The following CNTNAP2 variants were observed in gnomAD, a reference collection of about 807,000 sequenced individuals.
CNTNAP2 encodes contactin associated protein 2, also known as contactin-associated protein-like 2.
Under a neutral mutation model 155.2 loss-of-function variants are expected in CNTNAP2, and 98 were observed. The ratio of observed to expected loss-of-function variants is 0.63; its 90% CI spans 0.54 to 0.75. CNTNAP2 has a LOEUF of 0.75. Ranked by LOEUF, CNTNAP2 falls within the 30% of genes least tolerant of loss-of-function variation. CNTNAP2 has a pLI of 0.00. For synonymous variants in CNTNAP2, 651 were observed against 631.2 expected (o/e 1.03, Z -0.47); for missense variants, 1,727 against 1,688.1 (o/e 1.02, Z -0.40).
chr7:146,579,796 G>T (rs1486614121), intron 1 of CNTNAP2, among the ~76,000 whole-genome samples: 1 of 152,058 alleles, frequency 6.6e-6, no homozygotes, highest in Non-Finnish European at 1.5e-5. Flanking sequence ...TGGTGCCTCA[G>T]TGTCATATAA....
intron 9 of CNTNAP2, among the ~76,000 whole-genome samples, chr7:147,348,870 TGTAA>T (rs1795923510): frequency 1.3e-5 from 2 of 152,080 alleles, no homozygotes; most frequent in South Asian, 4.1e-4. Context: ...GAAGACACTG[TGTAA>T]GTGTCAGGAA....
chr7:147,375,282 CTATT>C (rs140202594), intron 9 of CNTNAP2, among the ~76,000 whole-genome samples: 19,640 of 151,934 alleles, frequency 0.13, 1,496 homozygotes, highest in East Asian at 0.31. Flanking sequence ...ATTATTTTCT[CTATT>C]TAAGAGATGA....
chr7:146,724,448 A>G lies in CNTNAP2; in HGVS notation c.98-49823A>G, dbSNP rs76964394. ...CTAATCTATTTGTCAATACTGAAAG[A>G]CACATCTTTGAAAAAAGATGGGTCT... is the stretch of plus-strand genomic sequence containing the variant. On this transcript the variant is annotated intron_variant, in intron 1 of 23. Transcript: ENST00000361727. 6.2e-3 allele frequency among the ~76,000 whole-genome samples: 947 copies of G among 152,086 alleles called. 10 individuals carry two copies. Among genetic ancestry groups the G allele is most frequent in the African/African-American group, 0.022 (894 of 41,480 alleles).
intron 15 of CNTNAP2, among the ~76,000 whole-genome samples, chr7:148,096,150 T>C (rs1263965402): frequency 6.6e-6 from 1 of 152,176 alleles, no homozygotes; most frequent in Non-Finnish European, 1.5e-5. Flanking sequence ...AATGTAAACT[T>C]TGGAAATTAT....
At position 146,774,251 on chromosome 7, in the gene CNTNAP2, T is replaced by A. The variant is rs199901768; in HGVS notation, c.98-20T>A. Reference sequence around the variant, plus strand: ...AATCGTTGTTGAGTGTCTCTCTCCCTCTCTGTCTTTTGTTTTCAGAAAAAT... The same window carrying A: ...AATCGTTGTTGAGTGTCTCTCTCCCACTCTGTCTTTTGTTTTCAGAAAAAT... On this transcript the variant is annotated intron_variant, in intron 1 of 23. Coordinates refer to ENST00000361727, the MANE Select transcript of CNTNAP2 (RefSeq NM_014141.6). 8 of 1,585,524 alleles carry A rather than the reference T, an allele frequency of 5.0e-6. No individual in the cohort carries two copies. The Admixed American group carries it at 1.3e-4, about 26-fold the overall frequency.
chr7:147,307,176 C>T (rs1165395688), intron 9 of CNTNAP2, among the ~76,000 whole-genome samples: 1 of 152,124 alleles, frequency 6.6e-6, no homozygotes, highest in South Asian at 2.1e-4. Context: ...AAGAGAACAC[C>T]ACTGGCACCC....
chr7:146,267,596 G>C (rs904915782), intron 1 of CNTNAP2, among the ~76,000 whole-genome samples: 10 of 152,160 alleles, frequency 6.6e-5, no homozygotes, highest in African/African-American at 2.4e-4. Flanking sequence ...AGAAGCCCCA[G>C]GGAACTGCGT....
intron 1 of CNTNAP2, among the ~76,000 whole-genome samples, chr7:146,647,996 C>A (rs1799844213): frequency 6.6e-6 from 1 of 152,016 alleles, no homozygotes; most frequent in Non-Finnish European, 1.5e-5. Flanking sequence ...CCCAATGTAC[C>A]ACAATTCTTA....
chr7:147,382,662 G>T (rs1363481870), intron 9 of CNTNAP2, among the ~76,000 whole-genome samples: 3 of 152,118 alleles, frequency 2.0e-5, no homozygotes, highest in Non-Finnish European at 4.4e-5. Flanking sequence ...CCCATAGTTG[G>T]TAGTTGAAGC....
At chr7:146,562,604 T>G (rs925721719) in intron 1 of CNTNAP2, among the ~76,000 whole-genome samples, 1 of 152,184 alleles carries the variant, frequency 6.6e-6, no homozygotes, top group African/African-American at 2.4e-5. Flanking sequence ...CAACACTTAA[T>G]GGCAACTATG....
chr7:146,245,795 C>G (rs138132679), intron 1 of CNTNAP2, among the ~76,000 whole-genome samples: 5 of 152,020 alleles, frequency 3.3e-5, no homozygotes, highest in South Asian at 2.1e-4. Context: ...TAATGGGTAT[C>G]AGGGTCAGTC....
chr7:146,963,578 G>A (rs1293907417), intron 3 of CNTNAP2, among the ~76,000 whole-genome samples: 1 of 151,958 alleles, frequency 6.6e-6, no homozygotes, highest in African/African-American at 2.4e-5. Flanking sequence ...AAAACACAAT[G>A]TCTTAAATAG....
chr7:148,403,290 A>T (rs1585347704), intron 22 of CNTNAP2, among the ~76,000 whole-genome samples: 1 of 151,988 alleles, frequency 6.6e-6, no homozygotes, highest in East Asian at 1.9e-4. Context: ...ATATAGGAAC[A>T]CGGATGACTA....
intron 18 of CNTNAP2, among the ~76,000 whole-genome samples, chr7:148,215,725 C>A (rs181407140): frequency 3.3e-5 from 5 of 152,214 alleles, no homozygotes; most frequent in African/African-American, 9.6e-5. Flanking sequence ...TCCTCACAAC[C>A]ACCTATGAGG....
At position 147,658,165 on chromosome 7, in the gene CNTNAP2, G is replaced by A. The variant is rs1185363735; in HGVS notation, c.2098+18859G>A. On this transcript the variant is annotated intron_variant, in intron 13 of 23. Coordinates refer to ENST00000361727, the MANE Select transcript of CNTNAP2 (RefSeq NM_014141.6). Reference sequence around the variant, plus strand: ...CCAGCTACTTGGGAGGCTGAGGCAGGAGAATGGCGTGAACCCGGGAGGCGG... The same window carrying A: ...CCAGCTACTTGGGAGGCTGAGGCAGAAGAATGGCGTGAACCCGGGAGGCGG... 1.5e-5 allele frequency among the ~76,000 whole-genome samples: 2 copies of A among 131,782 alleles called. 1 individual carries two copies. The highest frequency in any genetic ancestry group is 3.4e-5 in the Non-Finnish European group (2 of 58,744). The allele number at this position is 131,782 out of a possible 152,430, so 86.5% of individuals were successfully genotyped here.
intron 1 of CNTNAP2, among the ~76,000 whole-genome samples, chr7:146,477,184 A>G (rs537679946): frequency 2.6e-5 from 4 of 152,318 alleles, no homozygotes. Context: ...TTTTAGTTTC[A>G]ACTGAACCAC....
At position 148,343,772 on chromosome 7, in the gene CNTNAP2, TATGTGAGAATTTAGAGGAGA is replaced by T. The variant is rs1347274273; in HGVS notation, c.3476-39874_3476-39855del. Among the ~76,000 whole-genome samples the T allele has an allele frequency of 2.0e-5, 3 of 152,342 alleles. No homozygotes were observed. In the East Asian group the frequency reaches 5.8e-4, roughly 29 times the overall value. On this transcript the variant is annotated intron_variant, in intron 21 of 23. Coordinates refer to ENST00000361727, the MANE Select transcript of CNTNAP2 (RefSeq NM_014141.6). Reference sequence around the variant, plus strand: ...CTGGACTAGATTACTAAATAGGTGATATGTGAGAATTTAGAGGAGAATCGTGTGATTTGCATAATCCAACA... The same window carrying T: ...CTGGACTAGATTACTAAATAGGTGATATCGTGTGATTTGCATAATCCAACA...
chr7:147,918,142 A>C (rs1800193615), intron 14 of CNTNAP2, among the ~76,000 whole-genome samples: 1 of 152,148 alleles, frequency 6.6e-6, no homozygotes, highest in Non-Finnish European at 1.5e-5. Context: ...TCTTATCTGC[A>C]ATTAGATGCC....
intron 1 of CNTNAP2, among the ~76,000 whole-genome samples, chr7:146,451,379 A>T (rs145481046): frequency 6.6e-6 from 1 of 152,134 alleles, no homozygotes; most frequent in East Asian, 1.9e-4. Context: ...GCATTAACTC[A>T]ATCAAACCAT....
Sources: gnomAD v4.1 joint callset for allele counts (sites outside exome capture counted in the v4.1 genomes callset) on GRCh38, gnomAD v4.1.1 for gene constraint, MANE v1.5 for transcripts, NCBI Gene and HGNC (gene_info 2026-07-23, HGNC 2026-07-21) for gene names.